Variants in ADSL observed in about 807,000 individuals in gnomAD.
ADSL encodes the protein adenylosuccinase.
ADSL carries 44 observed loss-of-function variants against 62.1 expected under a neutral mutation model. The ratio of observed to expected loss-of-function variants is 0.71; its 90% CI spans 0.56 to 0.91. The LOEUF (loss-of-function observed/expected upper bound fraction) is 0.91. ADSL is among the 40% of genes least tolerant of loss of function. The probability of loss-of-function intolerance (pLI) is 0.00; values close to 1 mark genes in which losing one functional copy is unlikely to be tolerated. For synonymous variants in ADSL, 198 were observed against 220.5 expected, an observed-to-expected ratio of 0.90 and a Z score of 0.90; for missense variants, 531 against 627.4, an observed-to-expected ratio of 0.85 and a Z score of 1.64.
intron 4 of ADSL, among the ~76,000 whole-genome samples, chr22:40,358,565 C>T (rs2082007577): frequency 6.6e-6 from 1 of 152,184 alleles, no homozygotes; most frequent in African/African-American, 2.4e-5. Flanking sequence ...GCTTGGGCAA[C>T]AGAGCAAGAC....
In ADSL at chr22:40,361,638, C is replaced by A; in HGVS notation, c.1010+3C>A. ...ACACTGGATGATAGTGCCAACCGGTCAGTGGCACAGGGACATCACATACAC... is the reference window on the plus strand; with the variant it reads ...ACACTGGATGATAGTGCCAACCGGTAAGTGGCACAGGGACATCACATACAC... On this transcript the variant is annotated splice_donor_region_variant and intron_variant, in intron 9 of 12. Transcript: ENST00000623063. 6.2e-7 allele frequency: 1 copy of A among 1,612,680 alleles called. No individual in the cohort carries two copies. Among genetic ancestry groups the A allele is most frequent in the South Asian group, 1.1e-5 (1 of 91,072 alleles).
At chr22:40,346,836 T>G in intron 1 of ADSL, 125 bp downstream of exon 1, 1 of 1,032,424 alleles carries the variant, frequency 9.7e-7, no homozygotes, top group Non-Finnish European at 1.4e-6. Context: ...CAGCTGGGTG[T>G]TCCCTGTCCT....
intron 4 of ADSL, among the ~76,000 whole-genome samples, chr22:40,355,409 C>T (rs190144859): frequency 1.4e-4 from 21 of 152,268 alleles, no homozygotes; most frequent in Admixed American, 8.5e-4. Flanking sequence ...CCGCCCACCT[C>T]GGCCTCCCAA....
Position 40,360,276 on chromosome 22 carries a change from G to C in ADSL, c.702-126G>C, listed in dbSNP as rs140873896. 1.7e-3 allele frequency: 1,272 copies of C among 735,724 alleles called. 24 individuals are homozygous for C. The East Asian group carries it at 0.033, about 19-fold the overall frequency. The allele number at this position is 735,724 out of a possible 1,614,324, so 45.6% of individuals were successfully genotyped here. A position where few individuals can be genotyped will look rare whatever the true frequency, so the allele number is the denominator to read the frequency against. On this transcript the variant is annotated intron_variant, in intron 6 of 12. Transcript: ENST00000623063. The stretch of plus-strand genomic sequence containing the variant: ...GAGTCTCCCAGTGATGCTTAGGCTG[G>C]CCTTAACCTCCTGAGTTAAAGCAGT...
chr22:40,361,657 C>T (rs2044794780), intron 9 of ADSL, 22 bp downstream of exon 9: 1 of 1,610,538 alleles, frequency 6.2e-7, no homozygotes, highest in African/African-American at 1.3e-5. Flanking sequence ...AGGGACATCA[C>T]ATACACCAAG....
chr22:40,378,884 T>G (rs17001867), intron 2 of ADSL, among the ~76,000 whole-genome samples: 1 of 152,140 alleles, frequency 6.6e-6, no homozygotes, highest in Non-Finnish European at 1.5e-5. Flanking sequence ...TACCTGCTTT[T>G]CCTCACTTTT....
At chr22:40,365,126 T>G in intron 12 of ADSL, 70 bp downstream of exon 12, 2 of 1,505,226 alleles carry the variant, frequency 1.3e-6, no homozygotes, top group Non-Finnish European at 1.8e-6. Context: ...TGTTTTTGCT[T>G]TATAGGAGGT....
At chr22:40,358,815 A>G in intron 4 of ADSL, 49 bp from the exon 5 acceptor site, 1 of 1,582,158 alleles carries the variant, frequency 6.3e-7, no homozygotes, top group Non-Finnish European at 8.7e-7. Context: ...AACCTTGATG[A>G]TTTAAGGTCT....
At chr22:40,356,481 G>A (rs2044562665) in intron 4 of ADSL, among the ~76,000 whole-genome samples, 1 of 150,524 alleles carries the variant, frequency 6.6e-6, no homozygotes, top group South Asian at 2.1e-4. Context: ...GTTGCAGTGA[G>A]CCAAGATCGC....
chr22:40,352,922 G>C, intron 2 of ADSL, 151 bp from the exon 3 acceptor site: 2 of 681,660 alleles, frequency 2.9e-6, no homozygotes, highest in Non-Finnish European at 5.5e-6. Context: ...AGAACAACTT[G>C]TGTTAGTATT....
At position 40,346,542 on chromosome 22, in the gene ADSL, G is replaced by C. The variant is rs1246336702; in HGVS notation, c.-17G>C. ...CTTCCCTGGTCCAGTCCACCCTGGC[G>C]GGGTCGCAGGGTTGGGATGGCGGCT... On this transcript the variant is annotated 5_prime_UTR_variant, in exon 1 of 13. Transcript: ENST00000623063. 2.5e-6 allele frequency: 4 copies of C among 1,598,578 alleles called. No individual in the cohort carries two copies. The highest frequency in any genetic ancestry group is 1.3e-5 in the African/African-American group (1 of 74,798).
chr22:40,379,271 A>G (rs1569140192), intron 2 of ADSL: 1 of 152,238 alleles, frequency 6.6e-6, no homozygotes, highest in East Asian at 1.9e-4. Context: ...TGATTGAATG[A>G]GTATTTCCTC....
intron 4 of ADSL, among the ~76,000 whole-genome samples, chr22:40,358,613 T>A (rs1394218179): frequency 6.6e-6 from 1 of 152,154 alleles, no homozygotes; most frequent in Non-Finnish European, 1.5e-5. Flanking sequence ...AATTGCCTCT[T>A]GATGAAGAAA....
At chr22:40,369,552 G>A (rs1203521225), downstream of ADSL, among the ~76,000 whole-genome samples, 1 of 150,932 alleles carries the variant, frequency 6.6e-6, no homozygotes, top group Non-Finnish European at 1.5e-5. Context: ...CGCCCAAGCT[G>A]GAGTGCAGTG....
chr22:40,353,620 C>T (rs752978536), intron 3 of ADSL, among the ~76,000 whole-genome samples: 45 of 135,964 alleles, frequency 3.3e-4, no homozygotes, highest in Non-Finnish European at 6.3e-4. Flanking sequence ...TAAAGCATAG[C>T]CTTTTTTTTT....
chr22:40,372,122 C>CTT (rs58396730), downstream of ADSL, among the ~76,000 whole-genome samples: 171 of 65,212 alleles, frequency 2.6e-3, 3 homozygotes, highest in Middle Eastern at 0.013. Context: ...TCCCCCCCCC[C>CTT]TTTTTTTTTT....
At chr22:40,387,283 A>G (rs1484458705) in intron 2 of ADSL, 2 of 398,194 alleles carry the variant, frequency 5.0e-6, no homozygotes, top group Non-Finnish European at 8.9e-6. Flanking sequence ...ACTCTATAAT[A>G]CTGTATATAG....
chr22:40,364,851 G>A lies in ADSL; in HGVS notation c.1192-29G>A, dbSNP rs759947432. 8 of 1,611,378 alleles carry A rather than the reference G, an allele frequency of 5.0e-6. No individual in the cohort carries two copies. The Admixed American group carries it at 1.3e-4, about 27-fold the overall frequency. ...AGTGTTCAAACGCCCTGTTAGTAGG[G>A]AACTGACAATACTTCACTGTCTTCC... On this transcript the variant is annotated intron_variant, in intron 11 of 12. Transcript: ENST00000623063.
At chr22:40,363,827 G>A (rs2044889912) in intron 10 of ADSL, among the ~76,000 whole-genome samples, 1 of 152,030 alleles carries the variant, frequency 6.6e-6, no homozygotes, top group South Asian at 2.1e-4. Flanking sequence ...GGGCGCGGTG[G>A]CTTACGCCTG....
Sources: allele counts gnomAD v4.1 joint callset (sites outside exome capture counted in the v4.1 genomes callset), GRCh38; gene constraint gnomAD v4.1.1; transcripts MANE v1.5; gene names NCBI Gene and HGNC (gene_info 2026-07-23, HGNC 2026-07-21).